Variants in ENTREP2 observed in about 807,000 individuals in gnomAD.
The protein encoded by ENTREP2 is endosomal transmembrane epsin interactor 2.
the ENTREP2 span, among the ~76,000 whole-genome samples, chr15:29,413,614 G>C: frequency 3.3e-5 from 5 of 152,000 alleles, no homozygotes; most frequent in African/African-American, 1.2e-4. Context: ...TTGTGACCAG[G>C]GTTCATTCAT....
chr15:29,568,545 G>A, the ENTREP2 span, among the ~76,000 whole-genome samples: 1 of 151,150 alleles, frequency 6.6e-6, no homozygotes, highest in African/African-American at 2.4e-5. Flanking sequence ...AAAAAAAAAT[G>A]TTTTTAGTAT....
the ENTREP2 span, among the ~76,000 whole-genome samples, chr15:29,270,156 C>G: frequency 1.4e-4 from 22 of 152,016 alleles, no homozygotes; most frequent in Non-Finnish European, 4.4e-5. Context: ...GAAGGGCCGA[C>G]CGTGGAAGTA....
At chr15:29,466,479 G>A in the ENTREP2 span, among the ~76,000 whole-genome samples, 74 of 146,262 alleles carry the variant, frequency 5.1e-4, no homozygotes, top group African/African-American at 1.8e-3. Flanking sequence ...CCCAGGGGAG[G>A]GTCCAGGGGA....
chr15:29,163,640 A>T, the ENTREP2 span, among the ~76,000 whole-genome samples: 2 of 152,038 alleles, frequency 1.3e-5, no homozygotes, highest in Non-Finnish European at 2.9e-5. Context: ...GAAAATATGA[A>T]CAAAGCCTCC....
the ENTREP2 span, among the ~76,000 whole-genome samples, chr15:29,294,626 C>T: frequency 6.1e-3 from 932 of 152,248 alleles, 14 homozygotes; most frequent in Middle Eastern, 0.02. Flanking sequence ...ACCAAACAGC[C>T]ATATATAAAC....
At chr15:29,372,733 A>G in the ENTREP2 span, among the ~76,000 whole-genome samples, 1 of 152,222 alleles carries the variant, frequency 6.6e-6, no homozygotes, top group Non-Finnish European at 1.5e-5. Context: ...CTTATTATAA[A>G]GCTGGACTAG....
At chr15:29,128,175 A>G in the ENTREP2 span, among the ~76,000 whole-genome samples, 1 of 152,214 alleles carries the variant, frequency 6.6e-6, no homozygotes, top group Admixed American at 6.5e-5. Flanking sequence ...AGGGGCCTCA[A>G]GACGGTGGCT....
the ENTREP2 span, among the ~76,000 whole-genome samples, chr15:29,674,519 C>T: frequency 1.1e-4 from 17 of 152,232 alleles, no homozygotes; most frequent in African/African-American, 3.9e-4. Flanking sequence ...CCGCCCGCCT[C>T]GGCCTCCCAA....
chr15:29,240,999 T>G, the ENTREP2 span, among the ~76,000 whole-genome samples: 4 of 152,328 alleles, frequency 2.6e-5, no homozygotes, highest in South Asian at 8.3e-4. Flanking sequence ...TATACTAAAA[T>G]GTGTTAAATA....
At chr15:29,563,402 A>C in the ENTREP2 span, among the ~76,000 whole-genome samples, 1 of 151,956 alleles carries the variant, frequency 6.6e-6, no homozygotes, top group African/African-American at 2.4e-5. Context: ...CTTCCTAAGA[A>C]TATCTATTTG....
chr15:29,486,745 C>A, the ENTREP2 span, among the ~76,000 whole-genome samples: 2 of 152,080 alleles, frequency 1.3e-5, no homozygotes, highest in African/African-American at 4.8e-5. Context: ...CAACACAGAT[C>A]AGCCTGAAGG....
the ENTREP2 span, among the ~76,000 whole-genome samples, chr15:29,209,555 T>C: frequency 6.6e-6 from 1 of 152,084 alleles, no homozygotes; most frequent in East Asian, 1.9e-4. Context: ...GGAGAGTCTG[T>C]TGCTTATGAC....
At chr15:29,538,795 C>A in the ENTREP2 span, among the ~76,000 whole-genome samples, 1 of 148,394 alleles carries the variant, frequency 6.7e-6, no homozygotes, top group African/African-American at 2.5e-5. Context: ...GGTGACAAAG[C>A]GAGACTCTAT....
the ENTREP2 span, among the ~76,000 whole-genome samples, chr15:29,271,893 C>T: frequency 1.3e-5 from 2 of 152,102 alleles, no homozygotes; most frequent in Middle Eastern, 3.4e-3. Flanking sequence ...GTTCAGTGAC[C>T]GAGATATAAG....
chr15:29,173,262 T>C, the ENTREP2 span, among the ~76,000 whole-genome samples: 2 of 152,178 alleles, frequency 1.3e-5, no homozygotes, highest in Non-Finnish European at 2.9e-5. Flanking sequence ...ACCTGGGTGA[T>C]TGGGGAGCCA....
the ENTREP2 span, among the ~76,000 whole-genome samples, chr15:29,294,963 G>A: frequency 6.6e-6 from 1 of 152,296 alleles, no homozygotes; most frequent in Non-Finnish European, 1.5e-5. Flanking sequence ...TAGGGAGAAG[G>A]CTGTCGGTGC....
the ENTREP2 span, among the ~76,000 whole-genome samples, chr15:29,654,412 T>C: frequency 1.3e-5 from 2 of 152,202 alleles, no homozygotes; most frequent in African/African-American, 4.8e-5. Flanking sequence ...TTAACATTCA[T>C]TGTATACTGA....
chr15:29,585,867 A>G, the ENTREP2 span, among the ~76,000 whole-genome samples: 1 of 151,982 alleles, frequency 6.6e-6, no homozygotes, highest in East Asian at 1.9e-4. Flanking sequence ...AAAAAAAAAA[A>G]AAAAAAAAAA....
chr15:29,416,435 G>T, the ENTREP2 span, among the ~76,000 whole-genome samples: 2 of 152,284 alleles, frequency 1.3e-5, no homozygotes, highest in Middle Eastern at 3.4e-3. Context: ...GGGAAAACTG[G>T]CTAGTCATAT....
Sources: allele counts gnomAD v4.1 joint callset (sites outside exome capture counted in the v4.1 genomes callset), GRCh38; gene constraint gnomAD v4.1.1; transcripts MANE v1.5; gene names NCBI Gene and HGNC (gene_info 2026-07-23, HGNC 2026-07-21).